The following ITPR2 variants were observed in gnomAD, a reference collection of about 807,000 sequenced individuals.
The protein encoded by ITPR2 is inositol 1,4,5-trisphosphate-gated calcium channel ITPR2.
ITPR2 carries 207 observed loss-of-function variants against 317.1 expected under a neutral mutation model. The observed-to-expected ratio is 0.65, with a 90% confidence interval of 0.58 to 0.73. The LOEUF is 0.73. ITPR2 is among the 30% of genes least tolerant of loss of function. The pLI, the probability that ITPR2 is intolerant of heterozygous loss-of-function variation, is 0.00. For missense variants in ITPR2, 2,613 were observed against 3,284.0 expected (o/e 0.80, Z 4.99); for synonymous variants, 1,156 against 1,149.1 (o/e 1.01, Z -0.12).
intron 37 of ITPR2, among the ~76,000 whole-genome samples, chr12:26,522,651 G>A (rs548716826): frequency 1.3e-5 from 2 of 152,154 alleles, no homozygotes; most frequent in South Asian, 2.1e-4. Context: ...GAATGGGAAA[G>A]TACATGTGCA....
chr12:26,797,047 CA>C (rs1950458544), intron 1 of ITPR2, among the ~76,000 whole-genome samples: 1 of 151,768 alleles, frequency 6.6e-6, no homozygotes, highest in Non-Finnish European at 1.5e-5. Flanking sequence ...AAAAAAAAAT[CA>C]AAAGGTATGA....
intron 32 of ITPR2, 25 bp from the exon 33 acceptor site, chr12:26,580,180 A>G (rs780442286): frequency 1.2e-6 from 2 of 1,600,912 alleles, no homozygotes; most frequent in Non-Finnish European, 8.5e-7. Flanking sequence ...AAACAACTCA[A>G]TATGTTTTAT....
intron 45 of ITPR2, among the ~76,000 whole-genome samples, chr12:26,449,971 G>A (rs1941700413): frequency 6.6e-6 from 1 of 152,126 alleles, no homozygotes; most frequent in Non-Finnish European, 1.5e-5. Flanking sequence ...ATTAGGGTGG[G>A]CCTTAATCCT....
intron 37 of ITPR2, among the ~76,000 whole-genome samples, chr12:26,514,831 A>G (rs2136923287): frequency 6.6e-6 from 1 of 152,356 alleles, no homozygotes; most frequent in South Asian, 2.1e-4. Flanking sequence ...AATAGTTCCT[A>G]TTTTAATTTA....
At chr12:26,726,341 C>T (rs1453033799) in intron 2 of ITPR2, among the ~76,000 whole-genome samples, 1 of 152,094 alleles carries the variant, frequency 6.6e-6, no homozygotes, top group African/African-American at 2.4e-5. Context: ...GACTCTATTG[C>T]TAAACATCAA....
At chr12:26,443,487 G>C in intron 46 of ITPR2, 56 bp downstream of exon 46, 2 of 1,341,698 alleles carry the variant, frequency 1.5e-6, no homozygotes, top group Non-Finnish European at 2.1e-6. Flanking sequence ...GTCTAAAATA[G>C]GAAGTAAGCA....
At chr12:26,591,079 CAAA>C (rs34387951) in intron 32 of ITPR2, among the ~76,000 whole-genome samples, 694 of 43,246 alleles carry the variant, frequency 0.016, 2 homozygotes, top group African/African-American at 0.057. Context: ...GACTCCATCT[CAAA>C]AAAAAAAAAA....
intron 34 of ITPR2, among the ~76,000 whole-genome samples, chr12:26,570,473 A>G (rs1945130421): frequency 1.3e-5 from 2 of 152,220 alleles, no homozygotes; most frequent in Non-Finnish European, 2.9e-5. Flanking sequence ...GATAGATTAA[A>G]ATAGATATAA....
rs752884893 is a variant in ITPR2 at position 26,561,961 on chromosome 12, G to T, written c.4631-9C>A. On this transcript the variant is annotated splice_polypyrimidine_tract_variant and intron_variant, in intron 34 of 56. Coordinates refer to ENST00000381340, the MANE Select transcript of ITPR2 (RefSeq NM_002223.4). Reference sequence around the variant, plus strand: ...AATTCCACGATTTTTTGCTGAAAAAGAAAGATTTAAAATATTTCCCTCTTA... The same window carrying T: ...AATTCCACGATTTTTTGCTGAAAAATAAAGATTTAAAATATTTCCCTCTTA... The T allele has an allele frequency of 1.3e-6, 2 of 1,504,054 alleles. No individual in the cohort carries two copies. Among genetic ancestry groups the T allele is most frequent in the Non-Finnish European group, 1.8e-6 (2 of 1,132,444 alleles). The allele number at this position is 1,504,054 out of a possible 1,614,324, so 93.2% of individuals were successfully genotyped here.
intron 2 of ITPR2, among the ~76,000 whole-genome samples, chr12:26,772,731 C>CT (rs919205690): frequency 1.7e-4 from 26 of 149,818 alleles, no homozygotes; most frequent in Middle Eastern, 3.4e-3. Context: ...TATCCAATAT[C>CT]TTTTTTTTTC....
chr12:26,707,831 A>G (rs1003288294), intron 9 of ITPR2, among the ~76,000 whole-genome samples: 3 of 152,084 alleles, frequency 2.0e-5, no homozygotes, highest in Non-Finnish European at 4.4e-5. Context: ...CGCCTGGCCA[A>G]CCTGGGCATT....
intron 2 of ITPR2, among the ~76,000 whole-genome samples, chr12:26,743,745 G>A (rs979834929): frequency 6.6e-6 from 1 of 152,150 alleles, no homozygotes; most frequent in Admixed American, 6.5e-5. Flanking sequence ...TACAAAATTA[G>A]CTGGGCATGG....
At chr12:26,599,481 T>C in intron 29 of ITPR2, 136 bp from the exon 30 acceptor site, 1 of 746,216 alleles carries the variant, frequency 1.3e-6, no homozygotes, top group Non-Finnish European at 2.2e-6. Context: ...TGCATGTCTT[T>C]CAAAAAATGC....
chr12:26,740,575 C>A (rs1310533495), intron 2 of ITPR2, among the ~76,000 whole-genome samples: 3 of 152,176 alleles, frequency 2.0e-5, no homozygotes, highest in African/African-American at 7.2e-5. Context: ...TTCAACAAAT[C>A]TATACAATGC....
At chr12:26,458,249 G>A (rs1332190205) in intron 45 of ITPR2, among the ~76,000 whole-genome samples, 3 of 152,174 alleles carry the variant, frequency 2.0e-5, no homozygotes, top group African/African-American at 7.2e-5. Flanking sequence ...AGCTCTGCCA[G>A]GCTGTCCAGG....
At chr12:26,519,989 G>A (rs1943621039) in intron 37 of ITPR2, among the ~76,000 whole-genome samples, 2 of 152,170 alleles carry the variant, frequency 1.3e-5, no homozygotes, top group South Asian at 4.1e-4. Flanking sequence ...ACCAATAATA[G>A]TGATTACCTG....
intron 26 of ITPR2, among the ~76,000 whole-genome samples, chr12:26,613,563 GACACACACACACAC>G (rs10574347): frequency 5.4e-5 from 8 of 148,708 alleles, no homozygotes; most frequent in South Asian, 2.1e-4. Flanking sequence ...ATCATACACA[GACACACACACACAC>G]ACACACACAC....
intron 2 of ITPR2, among the ~76,000 whole-genome samples, chr12:26,759,015 A>T (rs1378593733): frequency 6.6e-6 from 1 of 152,216 alleles, no homozygotes; most frequent in Non-Finnish European, 1.5e-5. Flanking sequence ...TGCACCAGGA[A>T]AGCAGAAACA....
rs1312602120 is a variant in ITPR2, at chr12:26,652,845, A to G, written c.2740+1131T>C. Among the ~76,000 whole-genome samples the G allele has an allele frequency of 4.6e-5, 7 of 152,264 alleles. No individual in the cohort carries two copies. The South Asian group carries it at 8.3e-4, about 18-fold the overall frequency. The stretch of plus-strand genomic sequence containing the variant: ...CTTCCTCACTTCCTTACAGGTACAT[A>G]TCCAAGTGCACTCTTCGATATACCT... On this transcript the variant is annotated intron_variant, in intron 21 of 56. Coordinates refer to ENST00000381340, the MANE Select transcript of ITPR2 (RefSeq NM_002223.4).
Sources: allele counts gnomAD v4.1 joint callset (sites outside exome capture counted in the v4.1 genomes callset), GRCh38; gene constraint gnomAD v4.1.1; transcripts MANE v1.5; gene names NCBI Gene and HGNC (gene_info 2026-07-23, HGNC 2026-07-21).